The following GALNT14 variants were observed in gnomAD, a reference collection of about 807,000 sequenced individuals.
The protein encoded by GALNT14 is polypeptide N-acetylgalactosaminyltransferase 14.
In GALNT14, 60 loss-of-function variants were observed where a neutral mutation model predicts 77.5. That is an observed-to-expected ratio of 0.77 (90% CI 0.63 to 0.96). The LOEUF (loss-of-function observed/expected upper bound fraction) is 0.96. Ranked by LOEUF, GALNT14 falls within the 40% of genes least tolerant of loss-of-function variation. GALNT14 has a pLI of 0.00. For synonymous variants in GALNT14, 280 were observed against 281.7 expected (o/e 0.99, Z 0.06); for missense variants, 710 against 731.0 (o/e 0.97, Z 0.33).
At chr2:30,943,613 C>T (rs1185745871) in intron 8 of GALNT14, among the ~76,000 whole-genome samples, 1 of 152,192 alleles carries the variant, frequency 6.6e-6, no homozygotes, top group African/African-American at 2.4e-5. Flanking sequence ...CACAGCATCA[C>T]CTTGACCCTT....
At chr2:31,135,130 C>G (rs185096722) in intron 1 of GALNT14, among the ~76,000 whole-genome samples, 5 of 152,166 alleles carry the variant, frequency 3.3e-5, no homozygotes, top group African/African-American at 4.8e-5. Flanking sequence ...AACCAAACCA[C>G]GATCAACAGA....
intron 1 of GALNT14, among the ~76,000 whole-genome samples, chr2:31,119,938 C>T (rs1191337071): frequency 1.3e-5 from 1 of 75,386 alleles, no homozygotes; most frequent in African/African-American, 3.3e-5. Flanking sequence ...GGGCGGATCA[C>T]GAGGTCAGGA....
At chr2:30,920,514 C>T (rs537168031) in intron 13 of GALNT14, among the ~76,000 whole-genome samples, 4 of 152,040 alleles carry the variant, frequency 2.6e-5, no homozygotes, top group African/African-American at 9.6e-5. Context: ...GTGACAAAGC[C>T]CAGTGTTAGC....
In GALNT14 at chr2:30,912,171, G is replaced by A. The variant is rs898419574; in HGVS notation, c.1500+52C>T. 15 of 1,604,484 alleles carry A rather than the reference G, an allele frequency of 9.3e-6. No homozygotes were observed. The African/African-American group carries it at 2.0e-4, about 22-fold the overall frequency. ...TGCTCATCAGACTAAGCCCTCAACA[G>A]GCAGTCACATTACGGAGTTGGCCAC... On this transcript the variant is annotated intron_variant, in intron 14 of 14. Coordinates refer to ENST00000349752, the MANE Select transcript of GALNT14 (RefSeq NM_024572.4).
chr2:31,011,941 GA>G (rs1295095757), intron 1 of GALNT14, among the ~76,000 whole-genome samples: 1 of 152,214 alleles, frequency 6.6e-6, no homozygotes, highest in Non-Finnish European at 1.5e-5. Flanking sequence ...CAGCACTGGG[GA>G]AAAGCTAGGC....
chr2:31,086,908 G>T (rs1364683389), intron 1 of GALNT14, among the ~76,000 whole-genome samples: 4 of 152,136 alleles, frequency 2.6e-5, no homozygotes, highest in Admixed American at 1.3e-4. Flanking sequence ...TGCTAGGATG[G>T]ATACATTCTA....
At chr2:31,067,462 G>A (rs1174690453) in intron 1 of GALNT14, among the ~76,000 whole-genome samples, 1 of 152,190 alleles carries the variant, frequency 6.6e-6, no homozygotes, top group East Asian at 1.9e-4. Context: ...TGCAGACTTT[G>A]AGCATCCTCT....
chr2:31,079,882 G>A (rs974990788), intron 1 of GALNT14, among the ~76,000 whole-genome samples: 3 of 152,214 alleles, frequency 2.0e-5, no homozygotes, highest in African/African-American at 4.8e-5. Flanking sequence ...CCCAGGCACC[G>A]GACCCTCCTG....
At chr2:30,988,131 G>A (rs1262654188) in intron 2 of GALNT14, among the ~76,000 whole-genome samples, 1 of 152,136 alleles carries the variant, frequency 6.6e-6, no homozygotes, top group Admixed American at 6.5e-5. Context: ...GGAGAGGGTG[G>A]TCAATTGCTT....
chr2:31,091,958 CAGA>C (rs1427824172), intron 1 of GALNT14, among the ~76,000 whole-genome samples: 3 of 152,114 alleles, frequency 2.0e-5, no homozygotes, highest in Admixed American at 6.5e-5. Context: ...ATAAACCAGG[CAGA>C]AGAAGGTGGA....
At position 31,138,335 on chromosome 2, in the gene GALNT14, C is replaced by T. The variant is rs1383201386; in HGVS notation, c.-249G>A. On this transcript the variant is annotated 5_prime_UTR_variant, in exon 1 of 15. Coordinates refer to ENST00000349752, the MANE Select transcript of GALNT14 (RefSeq NM_024572.4). The stretch of plus-strand genomic sequence containing the variant: ...ACCGAGGGCAGCCAAGCTGGACGCC[C>T]GCTCCAGCGGGAGAAGCGCGGTGGC... The T allele has an allele frequency of 6.4e-6, 3 of 469,904 alleles. No homozygotes were observed. The East Asian group carries it at 1.1e-4, about 18-fold the overall frequency. The allele number at this position is 469,904 out of a possible 1,614,324, so 29.1% of individuals were successfully genotyped here.
rs760311579 is a variant in GALNT14 at position 31,100,340 on chromosome 2, A to G, written c.129+37618T>C. On this transcript the variant is annotated intron_variant, in intron 1 of 14. Coordinates refer to ENST00000349752, the MANE Select transcript of GALNT14 (RefSeq NM_024572.4). ...TGCAGTTTCCAAGAACCTATCCTCA[A>G]TGTTGAGGACTTACTGTATTCTGTT... 2.6e-5 allele frequency among the ~76,000 whole-genome samples: 4 copies of G among 152,094 alleles called. No individual in the cohort carries two copies. In the East Asian group the frequency reaches 5.8e-4, roughly 22 times the overall value.
At chr2:31,036,218 A>G (rs1171389096) in intron 1 of GALNT14, among the ~76,000 whole-genome samples, 1 of 151,786 alleles carries the variant, frequency 6.6e-6, no homozygotes, top group Middle Eastern at 3.2e-3. Flanking sequence ...CTATTTCTCC[A>G]TTACTGCCTT....
At chr2:31,073,485 A>AG (rs11347617) in intron 1 of GALNT14, among the ~76,000 whole-genome samples, 228 of 148,638 alleles carry the variant, frequency 1.5e-3, no homozygotes, top group Non-Finnish European at 2.7e-3. Flanking sequence ...GGGAATAAAG[A>AG]GGGGGGGGGA....
At chr2:31,087,917 G>T (rs546646236) in intron 1 of GALNT14, among the ~76,000 whole-genome samples, 3 of 152,284 alleles carry the variant, frequency 2.0e-5, no homozygotes, top group East Asian at 3.9e-4. Context: ...TGTATAAAAA[G>T]AGACTCCAGA....
intron 2 of GALNT14, among the ~76,000 whole-genome samples, chr2:30,967,240 T>C (rs906542780): frequency 2.0e-5 from 3 of 152,220 alleles, no homozygotes; most frequent in Non-Finnish European, 2.9e-5. Context: ...GTGAGCCCTC[T>C]GAAATTGTTT....
intron 1 of GALNT14, among the ~76,000 whole-genome samples, chr2:31,049,118 C>G (rs1673676490): frequency 6.6e-6 from 1 of 152,208 alleles, no homozygotes; most frequent in Non-Finnish European, 1.5e-5. Context: ...TCTCTACAGC[C>G]TAACACCTTG....
intron 11 of GALNT14, among the ~76,000 whole-genome samples, chr2:30,927,503 G>A (rs1665459625): frequency 6.6e-6 from 1 of 152,220 alleles, no homozygotes; most frequent in East Asian, 1.9e-4. Context: ...GTGGGAACTC[G>A]ATAAATGTTG....
At chr2:31,050,540 G>T (rs1040313259) in intron 1 of GALNT14, among the ~76,000 whole-genome samples, 2 of 152,152 alleles carry the variant, frequency 1.3e-5, no homozygotes, top group African/African-American at 2.4e-5. Context: ...TGGGGGCCTG[G>T]ATCAGCTCCT....
Sources: gnomAD v4.1 joint callset for allele counts (sites outside exome capture counted in the v4.1 genomes callset) on GRCh38, gnomAD v4.1.1 for gene constraint, MANE v1.5 for transcripts, NCBI Gene and HGNC (gene_info 2026-07-23, HGNC 2026-07-21) for gene names.